Variants in TAS2R1 observed in about 807,000 individuals in gnomAD.
The protein encoded by TAS2R1 is taste 2 receptor member 1.
For missense variants in TAS2R1, 370 were observed against 353.4 expected, an observed-to-expected ratio of 1.05 and a Z score of -0.38; for synonymous variants, 141 against 134.2, an observed-to-expected ratio of 1.05 and a Z score of -0.35.
upstream of TAS2R1, among the ~76,000 whole-genome samples, chr5:9,633,287 GTGTATATTATATATATATA>G (rs1334955107): frequency 3.0e-5 from 2 of 67,704 alleles, no homozygotes; most frequent in African/African-American, 1.2e-4. Context: ...GTGTGTGTGT[GTGTATATTATATATATATA>G]TATATATATA....
At chr5:9,790,819 G>A in the TAS2R1 span, among the ~76,000 whole-genome samples, 1 of 152,004 alleles carries the variant, frequency 6.6e-6, no homozygotes, top group Non-Finnish European at 1.5e-5. Context: ...TTTTAGTAGA[G>A]TTTTTTAGTG....
At chr5:9,855,062 G>A in the TAS2R1 span, among the ~76,000 whole-genome samples, 1 of 152,162 alleles carries the variant, frequency 6.6e-6, no homozygotes, top group Non-Finnish European at 1.5e-5. Flanking sequence ...CTGCCCTAAT[G>A]GGACATGAAG....
chr5:9,773,860 T>G, the TAS2R1 span, among the ~76,000 whole-genome samples: 2 of 152,190 alleles, frequency 1.3e-5, no homozygotes, highest in Non-Finnish European at 2.9e-5. Context: ...ACCCTTGACT[T>G]TTGAGTGCTT....
chr5:9,697,683 A>T (rs1332373596), intron 1 of TAS2R1, among the ~76,000 whole-genome samples: 1 of 152,200 alleles, frequency 6.6e-6, no homozygotes, highest in African/African-American at 2.4e-5. Flanking sequence ...TTGCCAAAAA[A>T]TGTTCAAAGA....
At chr5:9,744,183 T>C in the TAS2R1 span, among the ~76,000 whole-genome samples, 1 of 152,202 alleles carries the variant, frequency 6.6e-6, no homozygotes, top group Non-Finnish European at 1.5e-5. Context: ...GGCCAGACTC[T>C]GGAAAACATA....
At chr5:9,861,074 A>C in the TAS2R1 span, among the ~76,000 whole-genome samples, 1 of 78,174 alleles carries the variant, frequency 1.3e-5, no homozygotes, top group African/African-American at 4.6e-5. Context: ...TGGGTATTGA[A>C]TAGTGTTTTA....
At chr5:9,723,304 C>A in the TAS2R1 span, among the ~76,000 whole-genome samples, 1 of 152,172 alleles carries the variant, frequency 6.6e-6, no homozygotes, top group Admixed American at 6.5e-5. Context: ...ACTTCATTAT[C>A]GTGGGCTTCT....
At chr5:9,703,744 G>T (rs1021759259) in intron 1 of TAS2R1, among the ~76,000 whole-genome samples, 2 of 152,150 alleles carry the variant, frequency 1.3e-5, no homozygotes, top group Admixed American at 6.5e-5. Flanking sequence ...TTGGAAGCTT[G>T]CTTACATTGC....
At chr5:9,697,633 T>G (rs1198781466) in intron 1 of TAS2R1, among the ~76,000 whole-genome samples, 2 of 152,206 alleles carry the variant, frequency 1.3e-5, no homozygotes, top group Non-Finnish European at 2.9e-5. Context: ...TATTTTTGTA[T>G]GTTTAGAGAT....
At chr5:9,643,580 T>C (rs977829734) in intron 2 of TAS2R1, among the ~76,000 whole-genome samples, 2 of 152,198 alleles carry the variant, frequency 1.3e-5, no homozygotes, top group African/African-American at 4.8e-5. Context: ...TAGGCTACTC[T>C]AAATTCATAA....
chr5:9,876,489 G>C, the TAS2R1 span, among the ~76,000 whole-genome samples: 8 of 152,102 alleles, frequency 5.3e-5, no homozygotes, highest in African/African-American at 1.9e-4. Flanking sequence ...ATCCTTCACA[G>C]AAGCCACATG....
chr5:9,767,006 C>T, the TAS2R1 span, among the ~76,000 whole-genome samples: 7 of 152,160 alleles, frequency 4.6e-5, no homozygotes, highest in African/African-American at 1.2e-4. Context: ...TGAGTCTAAA[C>T]AACACCTACA....
At chr5:9,707,445 C>A (rs1741639292) in intron 1 of TAS2R1, among the ~76,000 whole-genome samples, 1 of 152,162 alleles carries the variant, frequency 6.6e-6, no homozygotes, top group South Asian at 2.1e-4. Flanking sequence ...CTGAAGAAAA[C>A]ACACAGCCAG....
intron 1 of TAS2R1, among the ~76,000 whole-genome samples, chr5:9,688,004 A>C (rs938876738): frequency 1.3e-5 from 2 of 152,242 alleles, no homozygotes; most frequent in African/African-American, 4.8e-5. Context: ...TTGATATTTC[A>C]GCAAACTTAC....
At chr5:9,835,880 A>T in the TAS2R1 span, among the ~76,000 whole-genome samples, 1 of 152,224 alleles carries the variant, frequency 6.6e-6, no homozygotes, top group South Asian at 2.1e-4. Context: ...TTTAGGAAAA[A>T]CCCTATAAAT....
the TAS2R1 span, among the ~76,000 whole-genome samples, chr5:9,837,702 T>C: frequency 6.6e-6 from 1 of 152,186 alleles, no homozygotes; most frequent in African/African-American, 2.4e-5. Context: ...CTTCATTTCT[T>C]TAACAAATGC....
At chr5:9,759,986 A>C in the TAS2R1 span, among the ~76,000 whole-genome samples, 4 of 152,244 alleles carry the variant, frequency 2.6e-5, no homozygotes, top group African/African-American at 4.8e-5. Context: ...ATGAGAGACA[A>C]GACACAAATT....
chr5:9,674,030 T>C (rs2126504914), intron 1 of TAS2R1, among the ~76,000 whole-genome samples: 1 of 152,272 alleles, frequency 6.6e-6, no homozygotes, highest in East Asian at 1.9e-4. Context: ...GAAGAGGTGA[T>C]CCTTCACAAA....
At chr5:9,730,008 GA>G in the TAS2R1 span, among the ~76,000 whole-genome samples, 1 of 152,212 alleles carries the variant, frequency 6.6e-6, no homozygotes, top group Non-Finnish European at 1.5e-5. Context: ...GAAGTCCTGG[GA>G]AAGGAAATTG....
Sources: allele counts gnomAD v4.1 joint callset (sites outside exome capture counted in the v4.1 genomes callset), GRCh38; gene constraint gnomAD v4.1.1; transcripts MANE v1.5; gene names NCBI Gene and HGNC (gene_info 2026-07-23, HGNC 2026-07-21).